The following NTN1 variants were observed in gnomAD, a reference collection of about 807,000 sequenced individuals.
NTN1 encodes the protein netrin-1.
A neutral mutation model predicts 54.2 loss-of-function variants in NTN1; 11 were observed. The observed-to-expected ratio is 0.20, with a 90% CI of 0.13 to 0.34. NTN1 has a LOEUF of 0.34. NTN1 is among the 10% of genes least tolerant of loss of function. The probability of loss-of-function intolerance (pLI) is 1.00; values close to 1 mark genes in which losing one functional copy is unlikely to be tolerated. For missense variants in NTN1, 740 were observed against 893.1 expected (o/e 0.83, Z 2.18); for synonymous variants, 371 against 382.0 (o/e 0.97, Z 0.33).
intron 2 of NTN1, among the ~76,000 whole-genome samples, chr17:9,046,806 A>T (rs550337835): frequency 3.9e-5 from 6 of 152,296 alleles, no homozygotes; most frequent in East Asian, 1.9e-4. Flanking sequence ...AATAAATAAA[A>T]AAGAGAAAAA....
intron 2 of NTN1, among the ~76,000 whole-genome samples, chr17:9,030,593 A>G (rs1272345036): frequency 1.3e-5 from 2 of 151,982 alleles, no homozygotes; most frequent in Non-Finnish European, 2.9e-5. Context: ...AAAAATACAA[A>G]AATTAGTCAG....
intron 2 of NTN1, among the ~76,000 whole-genome samples, chr17:9,075,729 G>A (rs1472970722): frequency 6.6e-6 from 1 of 152,316 alleles, no homozygotes; most frequent in African/African-American, 2.4e-5. Flanking sequence ...AGGGATGTGT[G>A]TGTGGCTCTG....
At chr17:9,148,574 A>G (rs750620802) in intron 2 of NTN1, among the ~76,000 whole-genome samples, 3 of 152,080 alleles carry the variant, frequency 2.0e-5, no homozygotes, top group East Asian at 1.9e-4. Flanking sequence ...GTGCCATTCA[A>G]ATTTAACTGG....
At chr17:9,038,544 G>T (rs1389312669) in intron 2 of NTN1, among the ~76,000 whole-genome samples, 1 of 152,202 alleles carries the variant, frequency 6.6e-6, no homozygotes, top group East Asian at 1.9e-4. Context: ...GGGCTTGCAA[G>T]ACCTGAGGCC....
chr17:9,168,255 G>T (rs1259126257), intron 3 of NTN1, among the ~76,000 whole-genome samples: 4 of 152,176 alleles, frequency 2.6e-5, no homozygotes, highest in African/African-American at 9.7e-5. Context: ...AATCCTGGCC[G>T]GGCACGGTGG....
chr17:9,078,182 G>A (rs1011258065), intron 2 of NTN1, among the ~76,000 whole-genome samples: 8 of 152,168 alleles, frequency 5.3e-5, no homozygotes, highest in African/African-American at 1.4e-4. Context: ...GAAGAATGGC[G>A]ATCCCTTGCT....
At chr17:9,127,147 G>A (rs1018251568) in intron 2 of NTN1, among the ~76,000 whole-genome samples, 3 of 152,048 alleles carry the variant, frequency 2.0e-5, no homozygotes, top group Non-Finnish European at 2.9e-5. Context: ...GTTGAGCTGG[G>A]TGGTGGCATG....
At chr17:9,210,907 A>G (rs1905092988) in intron 5 of NTN1, among the ~76,000 whole-genome samples, 4 of 32,934 alleles carry the variant, frequency 1.2e-4, no homozygotes, top group East Asian at 2.3e-3. Flanking sequence ...CTCCATCTGA[A>G]AAAAAAAAAA....
At chr17:9,124,562 G>A (rs965443702) in intron 2 of NTN1, among the ~76,000 whole-genome samples, 19 of 152,222 alleles carry the variant, frequency 1.2e-4, no homozygotes, top group African/African-American at 4.3e-4. Flanking sequence ...CAGTGATGAC[G>A]ATGATGACAG....
chr17:9,035,705 C>T (rs932705753), intron 2 of NTN1, among the ~76,000 whole-genome samples: 8 of 152,264 alleles, frequency 5.3e-5, no homozygotes, highest in Middle Eastern at 3.4e-3. Context: ...TGCACATCAC[C>T]GCACTTGGGT....
intron 6 of NTN1, among the ~76,000 whole-genome samples, chr17:9,225,538 C>T (rs1374818624): frequency 1.3e-5 from 2 of 152,302 alleles, no homozygotes; most frequent in Admixed American, 6.5e-5. Context: ...GCTCTGCTGG[C>T]GTCTGTGGAG....
At chr17:9,188,812 G>T (rs1472703425) in intron 5 of NTN1, among the ~76,000 whole-genome samples, 1 of 152,188 alleles carries the variant, frequency 6.6e-6, no homozygotes, top group East Asian at 1.9e-4. Flanking sequence ...ATAGGAGAAA[G>T]GGAGCTGTGG....
intron 2 of NTN1, among the ~76,000 whole-genome samples, chr17:9,106,526 TTC>T (rs2092167525): frequency 1.1e-5 from 1 of 88,684 alleles, no homozygotes; most frequent in African/African-American, 4.3e-5. Context: ...CCTTCCTTCC[TTC>T]CTTTCGACAG....
intron 2 of NTN1, among the ~76,000 whole-genome samples, chr17:9,053,006 C>T (rs1287790595): frequency 6.6e-6 from 1 of 152,206 alleles, no homozygotes. Flanking sequence ...GGATTAAGAA[C>T]CAGGCCCAAA....
intron 6 of NTN1, among the ~76,000 whole-genome samples, chr17:9,228,921 C>CGTGTGTGACTGG (rs1567746434): frequency 1.3e-5 from 1 of 78,748 alleles, no homozygotes; most frequent in Non-Finnish European, 2.5e-5. Flanking sequence ...TGTGTGACTG[C>CGTGTGTGACTGG]GTGTGTGACT....
At chr17:9,179,453 C>G (rs937675684) in intron 3 of NTN1, among the ~76,000 whole-genome samples, 1 of 152,212 alleles carries the variant, frequency 6.6e-6, no homozygotes, top group African/African-American at 2.4e-5. Context: ...AGGTGTATCC[C>G]CCGATCCTGA....
Position 9,070,012 on chromosome 17 carries a change from C to T in NTN1, c.1018+46621C>T, listed in dbSNP as rs191925742. Among the ~76,000 whole-genome samples the T allele has an allele frequency of 3.5e-3, 536 of 152,260 alleles. 4 individuals are homozygous for T. The highest frequency in any genetic ancestry group is 0.012 in the African/African-American group (511 of 41,548). ...TCTGGTAATGTTCCCCAGCACGTGG[C>T]TGGGGATGGTCCTGGCTGGAGCACA... On this transcript the variant is annotated intron_variant, in intron 2 of 6. Coordinates refer to ENST00000173229, the MANE Select transcript of NTN1 (RefSeq NM_004822.3).
chr17:9,222,297 G>A (rs1369110140), intron 6 of NTN1, among the ~76,000 whole-genome samples: 1 of 152,224 alleles, frequency 6.6e-6, no homozygotes, highest in East Asian at 1.9e-4. Context: ...ACTGACCCCA[G>A]GAGGTGCAGC....
At chr17:9,209,482 A>C (rs1222831653) in intron 5 of NTN1, among the ~76,000 whole-genome samples, 1 of 152,256 alleles carries the variant, frequency 6.6e-6, no homozygotes, top group Non-Finnish European at 1.5e-5. Flanking sequence ...TCTAGGAGAC[A>C]GTATACAGGA....
Sources: gnomAD v4.1 joint callset for allele counts (sites outside exome capture counted in the v4.1 genomes callset) on GRCh38, gnomAD v4.1.1 for gene constraint, MANE v1.5 for transcripts, NCBI Gene and HGNC (gene_info 2026-07-23, HGNC 2026-07-21) for gene names.